Variants in QKI observed in about 807,000 individuals in gnomAD.
The protein encoded by QKI is QKI, KH domain containing RNA binding.
Under a neutral mutation model 39.0 loss-of-function variants are expected in QKI, and 10 were observed. That is an observed-to-expected ratio of 0.26 (90% CI 0.16 to 0.43). The LOEUF (loss-of-function observed/expected upper bound fraction) is 0.43. QKI is among the 20% of genes least tolerant of loss of function. QKI has a pLI of 1.00. For synonymous variants in QKI, 204 were observed against 155.4 expected (o/e 1.31, Z -2.33); for missense variants, 218 against 428.0 (o/e 0.51, Z 4.33).
intron 3 of QKI, among the ~76,000 whole-genome samples, chr6:163,494,361 C>T (rs1778263409): frequency 6.6e-6 from 1 of 152,200 alleles, no homozygotes; most frequent in Non-Finnish European, 1.5e-5. Flanking sequence ...CACAGGGATA[C>T]TAAGGGACAA....
chr6:163,487,070 T>C (rs1008014019), intron 3 of QKI, among the ~76,000 whole-genome samples: 1 of 152,140 alleles, frequency 6.6e-6, no homozygotes, highest in African/African-American at 2.4e-5. Flanking sequence ...TACACCAGAG[T>C]GGCTTTGGCA....
chr6:163,517,079 CTT>C (rs34482587), intron 3 of QKI, among the ~76,000 whole-genome samples: 10,222 of 82,934 alleles, frequency 0.12, 502 homozygotes, highest in African/African-American at 0.35. Context: ...CTCTCTCTCT[CTT>C]TCTCTCTCTC....
At chr6:163,541,303 T>G (rs1483428886) in intron 4 of QKI, among the ~76,000 whole-genome samples, 1 of 152,114 alleles carries the variant, frequency 6.6e-6, no homozygotes, top group Non-Finnish European at 1.5e-5. Context: ...TAATTTGTTA[T>G]GCTCAGTATG....
At chr6:163,499,941 T>C in intron 3 of QKI, among the ~76,000 whole-genome samples, 1 of 151,956 alleles carries the variant, frequency 6.6e-6, no homozygotes, top group East Asian at 1.9e-4. Context: ...ATGGGCTGGG[T>C]GGAAGGCTTT....
At chr6:163,503,397 G>A (rs1778903019) in intron 3 of QKI, among the ~76,000 whole-genome samples, 2 of 151,734 alleles carry the variant, frequency 1.3e-5, no homozygotes, top group South Asian at 4.2e-4. Context: ...CATTGCTTTG[G>A]CCCACTTTTT....
At chr6:163,508,696 A>AT (rs1779253937) in intron 3 of QKI, among the ~76,000 whole-genome samples, 1 of 151,268 alleles carries the variant, frequency 6.6e-6, no homozygotes, top group South Asian at 2.1e-4. Flanking sequence ...CACCCAGCTA[A>AT]TTTTTGTATT....
chr6:163,554,450 C>G (rs1433594216), intron 4 of QKI, among the ~76,000 whole-genome samples: 1 of 152,276 alleles, frequency 6.6e-6, no homozygotes, highest in African/African-American at 2.4e-5. Context: ...TAGTAACTGC[C>G]ACATCATCTT....
At chr6:163,526,885 T>G (rs969011471) in intron 3 of QKI, among the ~76,000 whole-genome samples, 1 of 152,186 alleles carries the variant, frequency 6.6e-6, no homozygotes, top group Non-Finnish European at 1.5e-5. Context: ...TAATTAACAA[T>G]TAAATTAGTG....
chr6:163,528,411 G>A (rs1780643869), intron 3 of QKI, among the ~76,000 whole-genome samples: 1 of 152,142 alleles, frequency 6.6e-6, no homozygotes, highest in Non-Finnish European at 1.5e-5. Flanking sequence ...ATTAGTTGTT[G>A]AGGGTGCATG....
In QKI at chr6:163,574,143, A is replaced by G. The variant is rs555473370; in HGVS notation, c.*3433A>G. The G allele has an allele frequency of 3.9e-5, 6 of 152,276 alleles. No homozygotes were observed. Among genetic ancestry groups the G allele is most frequent in the Non-Finnish European group, 7.3e-5 (5 of 68,034 alleles). The allele number at this position is 152,276 out of a possible 1,614,324, so 9.4% of individuals were successfully genotyped here. A position where few individuals can be genotyped will look rare whatever the true frequency, so the allele number is the denominator to read the frequency against. On this transcript the variant is annotated 3_prime_UTR_variant, in exon 8 of 8. Transcript: ENST00000361752. ...TCCACACCTTATTTTTCCTTCTCCAAAATAATCACTGTCTGCTCACAGCAT... is the reference window on the plus strand; with the variant it reads ...TCCACACCTTATTTTTCCTTCTCCAGAATAATCACTGTCTGCTCACAGCAT...
chr6:163,459,836 A>C (rs1023835422), intron 2 of QKI, among the ~76,000 whole-genome samples: 3 of 152,242 alleles, frequency 2.0e-5, no homozygotes, highest in African/African-American at 7.2e-5. Flanking sequence ...TGCATTCATG[A>C]AACTACAGAC....
At chr6:163,459,918 T>C (rs1227893259) in intron 2 of QKI, among the ~76,000 whole-genome samples, 1 of 152,254 alleles carries the variant, frequency 6.6e-6, no homozygotes, top group Non-Finnish European at 1.5e-5. Flanking sequence ...CTTGTTTGAA[T>C]CCATGGAGAT....
chr6:163,482,660 G>T (rs1360485812), intron 3 of QKI, among the ~76,000 whole-genome samples: 1 of 150,642 alleles, frequency 6.6e-6, no homozygotes, highest in Admixed American at 6.6e-5. Context: ...TATTACAAAG[G>T]ATACCGACGA....
At chr6:163,440,364 A>G (rs1313773631) in intron 1 of QKI, among the ~76,000 whole-genome samples, 1 of 152,182 alleles carries the variant, frequency 6.6e-6, no homozygotes, top group Non-Finnish European at 1.5e-5. Flanking sequence ...TCTCTTTCCT[A>G]ACTATGAAAT....
chr6:163,495,255 A>G (rs926137320), intron 3 of QKI, among the ~76,000 whole-genome samples: 2 of 152,150 alleles, frequency 1.3e-5, no homozygotes, highest in African/African-American at 4.8e-5. Flanking sequence ...ATAAAACTGA[A>G]TTATGTATTG....
intron 4 of QKI, among the ~76,000 whole-genome samples, chr6:163,547,863 A>G (rs1378000336): frequency 6.6e-6 from 1 of 152,096 alleles, no homozygotes; most frequent in Non-Finnish European, 1.5e-5. Flanking sequence ...TCTTTTTAAT[A>G]TATAGAAATG....
intron 3 of QKI, among the ~76,000 whole-genome samples, chr6:163,534,261 GT>G (rs1272054262): frequency 3.9e-5 from 6 of 152,058 alleles, no homozygotes; most frequent in Non-Finnish European, 7.4e-5. Flanking sequence ...TATGAAACTA[GT>G]ATTTATGACT....
chr6:163,439,257 A>G (rs1233130681), intron 1 of QKI, among the ~76,000 whole-genome samples: 1 of 152,108 alleles, frequency 6.6e-6, no homozygotes, highest in East Asian at 1.9e-4. Flanking sequence ...AGACACCTAC[A>G]AATATTTGTT....
intron 6 of QKI, chr6:163,566,083 G>A: frequency 6.5e-7 from 1 of 1,531,128 alleles, no homozygotes; most frequent in Non-Finnish European, 8.8e-7. Flanking sequence ...TGACTTACTT[G>A]CACTTTTTGC....
Sources: gnomAD v4.1 joint callset for allele counts (sites outside exome capture counted in the v4.1 genomes callset) on GRCh38, gnomAD v4.1.1 for gene constraint, MANE v1.5 for transcripts, NCBI Gene and HGNC (gene_info 2026-07-23, HGNC 2026-07-21) for gene names.